The following PRMT2 variants were observed in gnomAD, a reference collection of about 807,000 sequenced individuals.
PRMT2 encodes protein arginine N-methyltransferase 2.
Under a neutral mutation model 57.6 loss-of-function variants are expected in PRMT2, and 26 were observed. The observed-to-expected ratio is 0.45, with a 90% CI of 0.33 to 0.63. The LOEUF is 0.63. Ranked by LOEUF, PRMT2 falls within the 20% of genes least tolerant of loss-of-function variation. The pLI is 0.02. For missense variants in PRMT2, 472 were observed against 564.4 expected, an observed-to-expected ratio of 0.84 and a Z score of 1.66; for synonymous variants, 219 against 220.0, an observed-to-expected ratio of 1.00 and a Z score of 0.04.
In PRMT2 at chr21:46,665,048, A is replaced by C. The variant is rs1315755721; in HGVS notation, c.*721A>C. 5 of 152,188 alleles carry C rather than the reference A, an allele frequency of 3.3e-5. No homozygotes were observed. Among genetic ancestry groups the C allele is most frequent in the African/African-American group, 4.8e-5 (2 of 41,430 alleles). 9.4% of individuals were successfully genotyped at this position (152,188 alleles called of 1,614,324 possible). ...AAGTTTTTCTCAATATTGTGAAAAAACTTCCACATCAGTAGATACATGTCC... is the reference window on the plus strand; with the variant it reads ...AAGTTTTTCTCAATATTGTGAAAAACCTTCCACATCAGTAGATACATGTCC... On this transcript the variant is annotated 3_prime_UTR_variant, in exon 12 of 12. Transcript: ENST00000355680.
chr21:46,652,052 C>T (rs553153508), intron 7 of PRMT2: 100 of 1,609,282 alleles, frequency 6.2e-5, no homozygotes, highest in South Asian at 2.6e-4. Flanking sequence ...AGTGCATGTG[C>T]GTTTAGCATA....
At chr21:46,641,331 T>C (rs1215742573) in intron 3 of PRMT2, among the ~76,000 whole-genome samples, 1 of 152,130 alleles carries the variant, frequency 6.6e-6, no homozygotes, top group Non-Finnish European at 1.5e-5. Flanking sequence ...CGTATAGCCA[T>C]TGAAGGTAGT....
At chr21:46,637,834 A>G (rs1187027891) in intron 3 of PRMT2, among the ~76,000 whole-genome samples, 1 of 152,088 alleles carries the variant, frequency 6.6e-6, no homozygotes, top group Non-Finnish European at 1.5e-5. Context: ...GTGTGTCTGT[A>G]GTTCAGCTAC....
At chr21:46,636,589 G>A (rs986920429) in intron 2 of PRMT2, 42 bp downstream of exon 2, 12 of 210,760 alleles carry the variant, frequency 5.7e-5, no homozygotes, top group Non-Finnish European at 3.8e-5. Context: ...ACACTTCTAA[G>A]AAATTAATGA....
Position 46,649,506 on chromosome 21 carries a change from G to A in PRMT2, c.490-69G>A. 6.2e-7 allele frequency: 1 copy of A among 1,608,326 alleles called. No individual in the cohort carries two copies. Among genetic ancestry groups the A allele is most frequent in the Non-Finnish European group, 8.5e-7 (1 of 1,176,208 alleles). ...GACCATTTCTCGTGATGCTGGTTGTGACTCAGGAGAGTAGATGACGGGCCG... is the reference window on the plus strand; with the variant it reads ...GACCATTTCTCGTGATGCTGGTTGTAACTCAGGAGAGTAGATGACGGGCCG... On this transcript the variant is annotated intron_variant, in intron 6 of 11. Coordinates refer to ENST00000355680, the MANE Select transcript of PRMT2 (RefSeq NM_206962.4). This position sits in a 1 kb window ranked among gnomAD's most constrained non-coding sequence, Gnocchi z 4.8.
At chr21:46,643,168 GGCGCTGGGCCCCTGGC>G (rs2061306988) in intron 3 of PRMT2, 1 of 158,376 alleles carries the variant, frequency 6.3e-6, no homozygotes, top group South Asian at 2.0e-4. Context: ...GCCTGCCTGG[GGCGCTGGGCCCCTGGC>G]TCTGTCCTCA....
intron 2 of PRMT2, 128 bp from the exon 3 acceptor site, chr21:46,636,768 A>G: frequency 1.8e-6 from 1 of 570,384 alleles, no homozygotes; most frequent in Non-Finnish European, 3.1e-6. Context: ...TCATTTCTAC[A>G]CTAATCTTCA....
Position 46,648,645 on chromosome 21 carries a change from G to A in PRMT2, c.489+26G>A, listed in dbSNP as rs754680024. On this transcript the variant is annotated intron_variant, in intron 6 of 11. Transcript: ENST00000355680. The surrounding 1 kb of genome is among the most constrained non-coding windows in gnomAD (Gnocchi z 4.8). ...GTGAGTGGGGTCTCGAGCGCATCCC[G>A]GGTGTTTGTGCCGAGGCTGGTGACG... 61 of 1,604,854 alleles carry A rather than the reference G, an allele frequency of 3.8e-5. No homozygotes were observed. Among genetic ancestry groups the A allele is most frequent in the South Asian group, 3.3e-5 (3 of 90,890 alleles).
At chr21:46,645,671 C>CA (rs1301586021) in intron 5 of PRMT2, among the ~76,000 whole-genome samples, 1 of 150,878 alleles carries the variant, frequency 6.6e-6, no homozygotes, top group African/African-American at 2.4e-5. Flanking sequence ...ACGTTTGACT[C>CA]AATTATATAA....
chr21:46,655,422 T>C (rs531415368), intron 7 of PRMT2, among the ~76,000 whole-genome samples: 4 of 152,288 alleles, frequency 2.6e-5, no homozygotes, highest in Non-Finnish European at 5.9e-5. Context: ...AATCAATCAG[T>C]GTAATCTACC....
At chr21:46,660,745 A>G in intron 8 of PRMT2, 88 bp from the exon 9 acceptor site, 2 of 1,490,394 alleles carry the variant, frequency 1.3e-6, no homozygotes, top group Non-Finnish European at 1.8e-6. Flanking sequence ...CACAGAAGGG[A>G]GAGCACTCAC....
At chr21:46,650,678 A>G (rs2047529752) in intron 7 of PRMT2, among the ~76,000 whole-genome samples, 1 of 152,170 alleles carries the variant, frequency 6.6e-6, no homozygotes, top group Non-Finnish European at 1.5e-5. Context: ...TGCCCCGGCC[A>G]CGGGGACAAA....
In PRMT2 at chr21:46,663,538, A is replaced by G; in HGVS notation, c.1253A>G (p.Asp418Gly). ...AGCTGGGCTGTCACTTCCAGACAAG[A>G]CCCCACATCTCAAAAAGTAAGATAC... The part of the protein sequence containing the change: ...ALSWAVTSRQ[D>G]PTSQKVGEKV... The change falls in exon 11 of 12, where the codon GAC becomes GGC. Residue 418 changes from aspartate (D) to glycine (G), a missense_variant. Physicochemically the swap from Asp to Gly is moderately conservative, Grantham distance 94 (BLOSUM62 -1). Coordinates refer to ENST00000355680, the MANE Select transcript of PRMT2 (RefSeq NM_206962.4). 1 of 1,613,720 alleles carries G rather than the reference A, an allele frequency of 6.2e-7. No individual in the cohort carries two copies.
chr21:46,663,402 A>G lies in PRMT2; in HGVS notation c.1117A>G (p.Thr373Ala). The G allele has an allele frequency of 2.5e-6, 4 of 1,613,400 alleles. No individual in the cohort carries two copies. Among genetic ancestry groups the G allele is most frequent in the Non-Finnish European group, 8.5e-7 (1 of 1,179,410 alleles). Reference protein sequence around the residue: ...PFHPTTHWKQTLFMMDDPVPV... With the variant: ...PFHPTTHWKQALFMMDDPVPV... ...TTGCAGCACCACACACTGGAAGCAG[A>G]CGCTGTTCATGATGGACGACCCAGT... is the stretch of plus-strand genomic sequence containing the variant. Residue 373 changes from threonine to alanine, a missense_variant, in exon 11 of 12, where the codon ACG (threonine) becomes GCG (alanine). Transcript: ENST00000355680.
chr21:46,660,035 T>G (rs1283924367), intron 8 of PRMT2: 36 of 983,632 alleles, frequency 3.7e-5, no homozygotes, highest in Non-Finnish European at 4.2e-5. Context: ...TTTAAGCTTT[T>G]CTTTATACTT....
intron 7 of PRMT2, chr21:46,652,360 T>G (rs927161183): frequency 2.7e-6 from 3 of 1,102,786 alleles, no homozygotes; most frequent in Non-Finnish European, 3.3e-6. Context: ...TATTAAATGG[T>G]AAATGCAACT....
At chr21:46,636,817 T>A in intron 2 of PRMT2, 79 bp from the exon 3 acceptor site, 1 of 761,916 alleles carries the variant, frequency 1.3e-6, no homozygotes, top group Non-Finnish European at 2.1e-6. Flanking sequence ...GAGGACATCA[T>A]GCACATTAGA....
At chr21:46,662,966 A>T (rs796789709) in intron 10 of PRMT2, among the ~76,000 whole-genome samples, 10 of 152,266 alleles carry the variant, frequency 6.6e-5, no homozygotes, top group African/African-American at 1.9e-4. Context: ...GGGGTTGCAC[A>T]GCCGTCCTCC....
chr21:46,662,941 G>A (rs980537074), intron 10 of PRMT2, among the ~76,000 whole-genome samples: 1 of 152,166 alleles, frequency 6.6e-6, no homozygotes, highest in Non-Finnish European at 1.5e-5. Context: ...TGCAGCTTAG[G>A]CAAGGGTGCA....
Sources: allele counts gnomAD v4.1 joint callset (sites outside exome capture counted in the v4.1 genomes callset), GRCh38; gene constraint gnomAD v4.1.1; non-coding constraint Gnocchi (gnomAD v3.1); transcripts MANE v1.5; gene names NCBI Gene and HGNC (gene_info 2026-07-23, HGNC 2026-07-21).